ZNF831: variants seen among roughly 807,000 people sequenced by gnomAD.
The protein encoded by ZNF831 is zinc finger protein 831.
Under a neutral mutation model 95.8 loss-of-function variants are expected in ZNF831, and 59 were observed. The observed-to-expected ratio is 0.62, with a 90% CI of 0.50 to 0.77. The LOEUF (loss-of-function observed/expected upper bound fraction) is 0.77, where lower values mean the gene tolerates loss of function less well. ZNF831 is among the 30% of genes least tolerant of loss of function. The pLI, the probability that ZNF831 is intolerant of heterozygous loss-of-function variation, is 0.00. For synonymous variants in ZNF831, 961 were observed against 925.5 expected, an observed-to-expected ratio of 1.04 and a Z score of -0.70; for missense variants, 2,205 against 2,164.0, an observed-to-expected ratio of 1.02 and a Z score of -0.38.
intron 4 of ZNF831, among the ~76,000 whole-genome samples, chr20:59,232,904 G>C (rs181521935): frequency 1.3e-5 from 2 of 150,960 alleles, no homozygotes; most frequent in Non-Finnish European, 2.9e-5. Context: ...TCCTAAACTC[G>C]GTGCTTGTAG....
intron 1 of ZNF831, among the ~76,000 whole-genome samples, chr20:59,137,882 C>T (rs969305625): frequency 6.6e-6 from 1 of 152,326 alleles, no homozygotes; most frequent in Admixed American, 6.5e-5. Flanking sequence ...CCCCCAATTC[C>T]AAGACTGTGG....
chr20:59,203,793 G>A (rs1054684395), intron 3 of ZNF831, among the ~76,000 whole-genome samples: 1 of 152,072 alleles, frequency 6.6e-6, no homozygotes, highest in Non-Finnish European at 1.5e-5. Context: ...AAAGAAGAGA[G>A]ATTAGAAAAT....
chr20:59,154,859 C>T (rs1164375832), intron 2 of ZNF831, among the ~76,000 whole-genome samples: 1 of 152,218 alleles, frequency 6.6e-6, no homozygotes, highest in Admixed American at 6.5e-5. Flanking sequence ...TAGACGGCCT[C>T]CTACCCCTCC....
At chr20:59,219,239 AAGG>A (rs142473529) in intron 4 of ZNF831, among the ~76,000 whole-genome samples, 1 of 152,266 alleles carries the variant, frequency 6.6e-6, no homozygotes, top group East Asian at 1.9e-4. Context: ...CCCTCACCTC[AAGG>A]AGGTTAGGAA....
upstream of ZNF831, among the ~76,000 whole-genome samples, chr20:59,159,491 G>A (rs1980726274): frequency 6.6e-6 from 1 of 152,164 alleles, no homozygotes; most frequent in African/African-American, 2.4e-5. Flanking sequence ...TGTGCAAGCA[G>A]ATAATTGCAT....
rs1568759370 is a variant in ZNF831 at position 59,194,438 on chromosome 20, C to T, written c.3419C>T (p.Pro1140Leu). The T allele has an allele frequency of 6.2e-7, 1 of 1,612,936 alleles. No individual in the cohort carries two copies. ...PGSFLTALTR[P>L]QGVPPGWPEL... Reference sequence around the variant, plus strand: ...TCCTTCCTCACTGCCCTCACTCGGCCTCAGGGTGTGCCCCCAGGCTGGCCA... The same window carrying T: ...TCCTTCCTCACTGCCCTCACTCGGCTTCAGGGTGTGCCCCCAGGCTGGCCA... The change falls in exon 2 of 6, where the codon CCT becomes CTT. Residue 1140 changes from proline to leucine, a missense_variant. Pro to Leu is a moderately conservative substitution (Grantham distance 98, BLOSUM62 -3). Transcript: ENST00000371030.
At chr20:59,199,779 T>C (rs1469340800) in intron 3 of ZNF831, among the ~76,000 whole-genome samples, 4 of 152,182 alleles carry the variant, frequency 2.6e-5, no homozygotes, top group Non-Finnish European at 5.9e-5. Flanking sequence ...AGCCCCTTTA[T>C]TTATATGTAC....
intron 2 of ZNF831, among the ~76,000 whole-genome samples, chr20:59,152,216 A>AG (rs1288813260): frequency 2.6e-5 from 4 of 152,230 alleles, no homozygotes; most frequent in African/African-American, 9.6e-5. Flanking sequence ...TGAAGATCTT[A>AG]GGAGTCCAGA....
intron 2 of ZNF831, among the ~76,000 whole-genome samples, chr20:59,148,725 G>A (rs189377194): frequency 0.31 from 18,978 of 62,120 alleles, 2,259 homozygotes; most frequent in Non-Finnish European, 0.41. Context: ...AAAAAAAAAA[G>A]AACAGAGCGT....
At chr20:59,200,632 C>T (rs1430673682) in intron 3 of ZNF831, among the ~76,000 whole-genome samples, 1 of 152,132 alleles carries the variant, frequency 6.6e-6, no homozygotes, top group East Asian at 1.9e-4. Context: ...CCCTTCTGCC[C>T]GTCCTGAAGT....
chr20:59,221,307 T>C (rs1654749934), intron 4 of ZNF831, among the ~76,000 whole-genome samples: 1 of 152,174 alleles, frequency 6.6e-6, no homozygotes, highest in South Asian at 2.1e-4. Flanking sequence ...TGCATGCCTA[T>C]GGTGCTCTTC....
chr20:59,145,994 G>T (rs982807221), intron 1 of ZNF831, among the ~76,000 whole-genome samples: 3 of 152,148 alleles, frequency 2.0e-5, no homozygotes, highest in Non-Finnish European at 2.9e-5. Flanking sequence ...GTTTGCAAAT[G>T]TTCAGTGTAA....
chr20:59,250,364 A>G (rs1568797164), intron 4 of ZNF831, among the ~76,000 whole-genome samples: 1 of 152,316 alleles, frequency 6.6e-6, no homozygotes, highest in East Asian at 1.9e-4. Flanking sequence ...CTCTTCTTGT[A>G]GAAGCTGACC....
upstream of ZNF831, among the ~76,000 whole-genome samples, chr20:59,163,014 GGTGT>G (rs58451639): frequency 0.05 from 6,822 of 136,388 alleles, 293 homozygotes; most frequent in African/African-American, 0.13. Flanking sequence ...TGTATTCCTA[GGTGT>G]GTGTGTGTGT....
At chr20:59,185,723 G>A (rs1982972923) in intron 1 of ZNF831, among the ~76,000 whole-genome samples, 1 of 152,164 alleles carries the variant, frequency 6.6e-6, no homozygotes, top group Non-Finnish European at 1.5e-5. Context: ...AGACTGCCCT[G>A]GGGAATGGAG....
Position 59,255,384 on chromosome 20 carries a change from A to G in ZNF831, c.*641A>G, listed in dbSNP as rs1366829667. 3 of 152,470 alleles carry G rather than the reference A, an allele frequency of 2.0e-5. No individual in the cohort carries two copies. The highest frequency in any genetic ancestry group is 4.8e-5 in the African/African-American group (2 of 41,474). The allele number at this position is 152,470 out of a possible 1,614,324, so 9.4% of individuals were successfully genotyped here. On this transcript the variant is annotated 3_prime_UTR_variant, in exon 6 of 6. Coordinates refer to ENST00000371030, the MANE Select transcript of ZNF831 (RefSeq NM_178457.3). Reference sequence around the variant, plus strand: ...TTCAAAATGCCTATGATCCGGTGACATGCTGATTACTTTTAAATGTTGCAC... The same window carrying G: ...TTCAAAATGCCTATGATCCGGTGACGTGCTGATTACTTTTAAATGTTGCAC...
chr20:59,245,871 A>C (rs1311261874), intron 4 of ZNF831, among the ~76,000 whole-genome samples: 4 of 152,236 alleles, frequency 2.6e-5, no homozygotes, highest in African/African-American at 9.6e-5. Context: ...AAACACGTTC[A>C]TCTCAGGAAC....
chr20:59,187,655 C>T (rs1172304471), intron 1 of ZNF831, among the ~76,000 whole-genome samples: 1 of 152,092 alleles, frequency 6.6e-6, no homozygotes, highest in Non-Finnish European at 1.5e-5. Flanking sequence ...ATTCACATAA[C>T]ATTAAATTCA....
At chr20:59,124,932 T>C (rs1236627317) in intron 1 of ZNF831, among the ~76,000 whole-genome samples, 1 of 152,112 alleles carries the variant, frequency 6.6e-6, no homozygotes, top group Non-Finnish European at 1.5e-5. Context: ...TTGGAGGCGA[T>C]CATTTCTGGC....
Sources: allele counts gnomAD v4.1 joint callset (sites outside exome capture counted in the v4.1 genomes callset), GRCh38; gene constraint gnomAD v4.1.1; transcripts MANE v1.5; gene names NCBI Gene and HGNC (gene_info 2026-07-23, HGNC 2026-07-21).